The following NBPF12 variants were observed in gnomAD, a reference collection of about 807,000 sequenced individuals.
NBPF12 encodes NBPF member 12.
In NBPF12, 115 loss-of-function variants were observed where a neutral mutation model predicts 146.4. The ratio of observed to expected loss-of-function variants is 0.79; its 90% CI spans 0.68 to 0.92. The LOEUF is 0.92. Ranked by LOEUF, NBPF12 falls within the 40% of genes least tolerant of loss-of-function variation. The probability of loss-of-function intolerance (pLI) is 0.00; values close to 1 mark genes in which losing one functional copy is unlikely to be tolerated. For missense variants in NBPF12, 1,205 were observed against 1,326.8 expected, an observed-to-expected ratio of 0.91 and a Z score of 1.43; for synonymous variants, 385 against 508.9, an observed-to-expected ratio of 0.76 and a Z score of 3.28.
exon 13 of NBPF12, chr1:146,971,235 T>C: frequency 5.0e-6 from 8 of 1,612,262 alleles, no homozygotes; most frequent in Non-Finnish European, 6.8e-6. Flanking sequence ...ACTGGAGGAA[T>C]GTGCCATCAC....
chr1:146,971,303 C>G, exon 13 of NBPF12: 2 of 1,612,294 alleles, frequency 1.2e-6, no homozygotes, highest in Non-Finnish European at 8.5e-7. Context: ...ACATCAAAAT[C>G]ACATTTGAGG....
chr1:146,971,862 G>A (rs1268984946), intron 13 of NBPF12, among the ~76,000 whole-genome samples: 19 of 143,238 alleles, frequency 1.3e-4, no homozygotes, highest in Non-Finnish European at 2.4e-4. Flanking sequence ...GGTGGATCAC[G>A]AGGTCAGGAG....
At chr1:146,974,944 G>A (rs1656885443) in intron 15 of NBPF12, 103 bp downstream of exon 18, 1 of 574,710 alleles carries the variant, frequency 1.7e-6, no homozygotes, top group African/African-American at 2.6e-5. Context: ...CCAGGGGAAG[G>A]GCAGGAATTG....
rs1487983266 is a variant in NBPF12, at chr1:146,939,275, C to T, written c.-822+293C>T. On this transcript the variant is annotated intron_variant, in intron 1 of 35. Transcript: ENST00000617931. The stretch of plus-strand genomic sequence containing the variant: ...GAGGGACGGAGCAGCTTCGGGGGCA[C>T]GTCTTCGGAAGTCCTGTGGAGCACA... 1.8e-4 allele frequency among the ~76,000 whole-genome samples: 28 copies of T among 152,148 alleles called. 1 individual carries two copies. In the East Asian group the frequency reaches 5.1e-3, roughly 27 times the overall value.
intron 2 of NBPF12, among the ~76,000 whole-genome samples, chr1:146,954,786 G>A (rs1165328882): frequency 6.0e-5 from 9 of 149,016 alleles, no homozygotes; most frequent in African/African-American, 2.0e-4. Context: ...AAAAAAAATA[G>A]AATATATATC....
intron 1 of NBPF12, among the ~76,000 whole-genome samples, chr1:146,951,091 T>C (rs1226377325): frequency 5.3e-5 from 8 of 152,040 alleles, no homozygotes; most frequent in African/African-American, 1.7e-4. Flanking sequence ...CATGTAATTT[T>C]TTCTAACTGG....
In NBPF12 at chr1:146,981,525, A is replaced by G. The variant is rs1196731161; in HGVS notation, c.2451-1403A>G. On this transcript the variant is annotated intron_variant, in intron 19 of 33. Coordinates refer to ENST00000617844, the Ensembl canonical transcript of NBPF12. ...TTCAACCTTGGTGAATCTGACAATTATGTGTCCCGGGGTTGCTCTTCTCGA... is the reference window on the plus strand; with the variant it reads ...TTCAACCTTGGTGAATCTGACAATTGTGTGTCCCGGGGTTGCTCTTCTCGA... Among the ~76,000 whole-genome samples the G allele has an allele frequency of 2.0e-5, 3 of 150,988 alleles. No individual in the cohort carries two copies. In the South Asian group the frequency reaches 6.3e-4, roughly 32 times the overall value.
rs1395329843 is a variant in NBPF12, at chr1:146,959,082, G to A, written c.-183-777G>A. On this transcript the variant is annotated intron_variant, in intron 2 of 33. Transcript: ENST00000617844. The stretch of plus-strand genomic sequence containing the variant: ...ATCAGAAAAATGGATATCAAATTGT[G>A]TGATAATCATACAATCAATAGGATA... 3.9e-4 allele frequency among the ~76,000 whole-genome samples: 37 copies of A among 94,036 alleles called. 3 individuals are homozygous for A. Among genetic ancestry groups the A allele is most frequent in the African/African-American group, 1.1e-4 (3 of 26,584 alleles). 61.7% of individuals were successfully genotyped at this position (94,036 alleles called of 152,430 possible).
At position 146,958,031 on chromosome 1, in the gene NBPF12, C is replaced by T. The variant is rs1349566514; in HGVS notation, c.-183-1828C>T. Among the ~76,000 whole-genome samples the T allele has an allele frequency of 3.0e-4, 34 of 112,908 alleles. 4 individuals carry two copies. The highest frequency in any genetic ancestry group is 6.4e-4 in the African/African-American group (21 of 32,928). The allele number at this position is 112,908 out of a possible 152,430, so 74.1% of individuals were successfully genotyped here. A position where few individuals can be genotyped will look rare whatever the true frequency, so the allele number is the denominator to read the frequency against. On this transcript the variant is annotated intron_variant, in intron 2 of 33. Transcript: ENST00000617844. Reference sequence around the variant, plus strand: ...TGTATATATAAATAATACATATACACGTGTATATATATTATATACATATAC... The same window carrying T: ...TGTATATATAAATAATACATATACATGTGTATATATATTATATACATATAC...
At chr1:146,947,753 G>A (rs783909), upstream of NBPF12, among the ~76,000 whole-genome samples, 38,588 of 135,272 alleles carry the variant, frequency 0.29, 5,849 homozygotes, top group Admixed American at 0.42. Context: ...GGGACTTTAT[G>A]TAGTGGACTA....
exon 12 of NBPF12, chr1:146,970,684 G>A: frequency 2.8e-6 from 4 of 1,441,630 alleles, no homozygotes; most frequent in Non-Finnish European, 2.9e-6. Flanking sequence ...TTCAAGTTGA[G>A]GAGGATGAGA....
rs1194246235 is a variant in NBPF12, at chr1:146,984,899, T to G, written c.2753T>G (p.Leu918Arg). ...TGTTATTCAACTCCTTCAGTTTATC[T>G]TGGACTGACTGACTCATGCCAGCCC... The change falls in exon 22 of 34, where the codon CTT becomes CGT. Residue 918 changes from leucine (L) to arginine (R), a missense_variant. Coordinates refer to ENST00000617844, the Ensembl canonical transcript of NBPF12. The G allele has an allele frequency of 7.5e-6, 12 of 1,597,578 alleles. No homozygotes were observed. The African/African-American group carries it at 1.1e-4, about 14-fold the overall frequency.
In NBPF12 at chr1:146,971,402, C is replaced by T. The variant is rs1656602211; in HGVS notation, c.1591+8C>T. On this transcript the variant is annotated splice_region_variant and intron_variant, in intron 13 of 33. Transcript: ENST00000617844. ...CTCTAAACATTCTCCCAGGTAGCCTCTATTTTCCTTGTGTCTCATACCTCT... is the reference window on the plus strand; with the variant it reads ...CTCTAAACATTCTCCCAGGTAGCCTTTATTTTCCTTGTGTCTCATACCTCT... 1.2e-6 allele frequency: 2 copies of T among 1,607,448 alleles called. No individual in the cohort carries two copies. Among genetic ancestry groups the T allele is most frequent in the Non-Finnish European group, 1.7e-6 (2 of 1,176,592 alleles).
Position 146,974,720 on chromosome 1 carries a change from C to T in NBPF12, c.1802-19C>T, listed in dbSNP as rs1559524970. The T allele has an allele frequency of 1.1e-5, 9 of 787,982 alleles. No homozygotes were observed. The highest frequency in any genetic ancestry group is 4.8e-5 in the South Asian group (3 of 62,924). The allele number at this position is 787,982 out of a possible 1,614,324, so 48.8% of individuals were successfully genotyped here. On this transcript the variant is annotated intron_variant, in intron 14 of 33. Transcript: ENST00000617844. The stretch of plus-strand genomic sequence containing the variant: ...ATGTCCAGCCTTCCACTGATGCAGG[C>T]GTGTCTGTCTTTTCTCAGAATATGA...
chr1:146,940,902 TC>T (rs1313295692), intron 1 of NBPF12, among the ~76,000 whole-genome samples: 1 of 151,994 alleles, frequency 6.6e-6, no homozygotes, highest in Admixed American at 6.6e-5. Context: ...ATGTCCTCTT[TC>T]ATGAAGTGCC....
At chr1:146,971,269 G>A (rs1316902169) in exon 13 of NBPF12, 28 of 1,612,318 alleles carry the variant, frequency 1.7e-5, no homozygotes, top group Non-Finnish European at 2.2e-5. Flanking sequence ...CACGGCCCTT[G>A]TGACTCCAAC....
At chr1:146,965,501 G>A (rs1335180283) in intron 8 of NBPF12, among the ~76,000 whole-genome samples, 1 of 150,922 alleles carries the variant, frequency 6.6e-6, no homozygotes, top group Non-Finnish European at 1.5e-5. Flanking sequence ...AATAAGTCTT[G>A]GCTGGGCACA....
At chr1:146,939,983 T>TA (rs1260075296) in intron 1 of NBPF12, among the ~76,000 whole-genome samples, 18 of 139,126 alleles carry the variant, frequency 1.3e-4, no homozygotes, top group Non-Finnish European at 2.2e-4. Flanking sequence ...AGACTCCCTC[T>TA]AAAAAAAAAA....
chr1:146,994,658 A>T (rs1658431431), exon 34 of NBPF12: 1 of 1,572,690 alleles, frequency 6.4e-7, no homozygotes. Flanking sequence ...CTATAGTTCC[A>T]TTTGGAAGCC....
Sources: allele counts gnomAD v4.1 joint callset (sites outside exome capture counted in the v4.1 genomes callset), GRCh38; gene constraint gnomAD v4.1.1; transcripts MANE v1.5; gene names NCBI Gene and HGNC (gene_info 2026-07-23, HGNC 2026-07-21).